The following GNAO1 variants were observed in gnomAD, a reference collection of about 807,000 sequenced individuals.
GNAO1 encodes the protein guanine nucleotide-binding protein G(o) subunit alpha.
For missense variants in GNAO1, 166 were observed against 478.7 expected (o/e 0.35, Z 6.10); for synonymous variants, 164 against 180.7 (o/e 0.91, Z 0.74).
At chr16:56,205,189 CAG>C (rs1335854109) in intron 2 of GNAO1, among the ~76,000 whole-genome samples, 2 of 152,172 alleles carry the variant, frequency 1.3e-5, no homozygotes, top group Non-Finnish European at 2.9e-5. Flanking sequence ...GTAATACTGT[CAG>C]AGTTATGAGA....
chr16:56,238,487 C>T (rs2036662621), intron 2 of GNAO1, among the ~76,000 whole-genome samples: 1 of 152,216 alleles, frequency 6.6e-6, no homozygotes, highest in Non-Finnish European at 1.5e-5. Flanking sequence ...TCCTCCCCAC[C>T]TTGTTGACTT....
At chr16:56,203,446 A>G (rs2036298370) in intron 2 of GNAO1, among the ~76,000 whole-genome samples, 1 of 152,098 alleles carries the variant, frequency 6.6e-6, no homozygotes, top group African/African-American at 2.4e-5. Context: ...GGCTGGAATG[A>G]TGAAAGCTTG....
chr16:56,207,235 A>G (rs1275531811), intron 2 of GNAO1, among the ~76,000 whole-genome samples: 1 of 152,256 alleles, frequency 6.6e-6, no homozygotes, highest in Non-Finnish European at 1.5e-5. Flanking sequence ...GTTGGCTATC[A>G]GTGTGATTTG....
Position 56,192,161 on chromosome 16 carries a change from G to T in GNAO1, c.-75G>T. On this transcript the variant is annotated 5_prime_UTR_variant, in exon 1 of 9. Coordinates refer to ENST00000262493, the MANE Select transcript of GNAO1 (RefSeq NM_020988.3). ...CCTTGAGCCCAGGCTCTGCTCTCTG[G>T]GGGGGTGGGGGGCGCTCCAAGCCGG... The T allele has an allele frequency of 1.2e-6, 1 of 816,064 alleles. No individual in the cohort carries two copies. Among genetic ancestry groups the T allele is most frequent in the Non-Finnish European group, 2.1e-6 (1 of 483,686 alleles). 50.6% of individuals were successfully genotyped at this position (816,064 alleles called of 1,614,324 possible).
Position 56,336,803 on chromosome 16 carries a change from C to T in GNAO1, c.666C>T (p.Ile222=). 1.2e-6 allele frequency: 2 copies of T among 1,613,776 alleles called. No individual in the cohort carries two copies. Among genetic ancestry groups the T allele is most frequent in the Non-Finnish European group, 1.7e-6 (2 of 1,179,982 alleles). ...WIHCFEDVTA[I]IFCVALSGYD... is the part of the protein sequence containing the mutation. ...ATTGCTTCGAGGACGTCACGGCCATCATTTTCTGTGTCGCGCTCAGCGGCT... is the reference window on the plus strand; with the variant it reads ...ATTGCTTCGAGGACGTCACGGCCATTATTTTCTGTGTCGCGCTCAGCGGCT... Residue 222 remains isoleucine, a synonymous_variant, in exon 6 of 9, where the codon ATC becomes ATT. Coordinates refer to ENST00000262493, the MANE Select transcript of GNAO1 (RefSeq NM_020988.3).
chr16:56,352,491 G>A (rs1279016672), intron 7 of GNAO1: 1 of 152,368 alleles, frequency 6.6e-6, no homozygotes, highest in Non-Finnish European at 1.5e-5. Flanking sequence ...TGCCATGGAG[G>A]AGGAGGTGTC....
At chr16:56,237,329 G>A (rs1380132809) in intron 2 of GNAO1, among the ~76,000 whole-genome samples, 1 of 152,188 alleles carries the variant, frequency 6.6e-6, no homozygotes, top group East Asian at 1.9e-4. Context: ...GAATATTGGA[G>A]CTGAGTAAGA....
intron 6 of GNAO1, chr16:56,343,794 C>T (rs1326831977): frequency 6.2e-7 from 1 of 1,613,810 alleles, no homozygotes; most frequent in Admixed American, 1.7e-5. Flanking sequence ...CCGTGGCTTA[C>T]ATCCAGGCCC....
chr16:56,252,245 G>A (rs938952346), intron 2 of GNAO1, among the ~76,000 whole-genome samples: 4 of 152,212 alleles, frequency 2.6e-5, no homozygotes, highest in African/African-American at 9.7e-5. Context: ...ACAGCCAATT[G>A]CAGTACAAGG....
intron 3 of GNAO1, among the ~76,000 whole-genome samples, chr16:56,290,860 T>A (rs549695205): frequency 6.6e-6 from 1 of 152,336 alleles, no homozygotes; most frequent in South Asian, 2.1e-4. Context: ...TATGGATTTG[T>A]CTATTCTGGA....
chr16:56,265,783 GT>G (rs1228874711), intron 2 of GNAO1, among the ~76,000 whole-genome samples: 35 of 151,538 alleles, frequency 2.3e-4, no homozygotes, highest in South Asian at 1.5e-3. Context: ...GGACGAATGT[GT>G]TTTTTTTTAA....
intron 3 of GNAO1, among the ~76,000 whole-genome samples, chr16:56,316,065 A>G (rs1212602420): frequency 6.6e-6 from 1 of 151,798 alleles, no homozygotes. Flanking sequence ...GACTCAAAAA[A>G]AAAAAGAGTG....
intron 2 of GNAO1, among the ~76,000 whole-genome samples, chr16:56,196,524 A>G (rs72814430): frequency 1.3e-5 from 2 of 152,236 alleles, no homozygotes; most frequent in Non-Finnish European, 2.9e-5. Flanking sequence ...GTGACTTCCC[A>G]GTTCTGAACA....
Position 56,264,290 on chromosome 16 carries a change from G to A in GNAO1, c.162-11641G>A, listed in dbSNP as rs11076150. ...AGACCAGCAATGCTACCCAGAAGGC[G>A]AGAAGGAACAGAGCTCTAGCAGGCA... On this transcript the variant is annotated intron_variant, in intron 2 of 8. Coordinates refer to ENST00000262493, the MANE Select transcript of GNAO1 (RefSeq NM_020988.3). Among the ~76,000 whole-genome samples the A allele has an allele frequency of 7.0e-4, 106 of 152,364 alleles. 1 individual carries two copies. The East Asian group carries it at 0.019, about 27-fold the overall frequency.
chr16:56,244,494 C>G (rs143976447), intron 2 of GNAO1, among the ~76,000 whole-genome samples: 159 of 152,184 alleles, frequency 1.0e-3, no homozygotes, highest in African/African-American at 3.8e-3. Flanking sequence ...TGAGAAGCTT[C>G]GATTAGCAGT....
intron 2 of GNAO1, among the ~76,000 whole-genome samples, chr16:56,272,690 T>G (rs1020048555): frequency 2.0e-5 from 3 of 152,226 alleles, no homozygotes; most frequent in Admixed American, 1.3e-4. Flanking sequence ...AATTACTTAT[T>G]CTCTCTCAGC....
At chr16:56,261,409 C>A (rs577115699) in intron 2 of GNAO1, among the ~76,000 whole-genome samples, 1 of 152,342 alleles carries the variant, frequency 6.6e-6, no homozygotes, top group South Asian at 2.1e-4. Context: ...ATGAGGGATT[C>A]TGTCCATGCC....
rs1202223899 is a variant in GNAO1, at chr16:56,311,282, T to C, written c.304-17349T>C. 2.0e-5 allele frequency among the ~76,000 whole-genome samples: 3 copies of C among 151,944 alleles called. No individual in the cohort carries two copies. Among genetic ancestry groups the C allele is most frequent in the Non-Finnish European group, 4.4e-5 (3 of 67,968 alleles). On this transcript the variant is annotated intron_variant, in intron 3 of 8. Coordinates refer to ENST00000262493, the MANE Select transcript of GNAO1 (RefSeq NM_020988.3). The surrounding 1 kb of genome is among the most constrained non-coding windows in gnomAD (Gnocchi z 5.2). ...AGTGGAACCTGAGCCCAGGTGGCAT[T>C]TGGTGGCCCTGTAGTTTCAGAGAGT...
intron 2 of GNAO1, chr16:56,213,294 G>A (rs1181806184): frequency 1.5e-5 from 6 of 397,600 alleles, no homozygotes; most frequent in Non-Finnish European, 2.2e-5. Flanking sequence ...CTTCTACTCT[G>A]TACCGAGCAC....
Sources: allele counts gnomAD v4.1 joint callset (sites outside exome capture counted in the v4.1 genomes callset), GRCh38; gene constraint gnomAD v4.1.1; non-coding constraint Gnocchi (gnomAD v3.1); transcripts MANE v1.5; gene names NCBI Gene and HGNC (gene_info 2026-07-23, HGNC 2026-07-21).